TYW1B: variants seen among roughly 807,000 people sequenced by gnomAD.
TYW1B encodes the protein S-adenosyl-L-methionine-dependent tRNA 4-demethylwyosine synthase TYW1B.
A neutral mutation model predicts 86.9 loss-of-function variants in TYW1B; 73 were observed. The ratio of observed to expected loss-of-function variants is 0.84; its 90% CI spans 0.70 to 1.02. The LOEUF (loss-of-function observed/expected upper bound fraction) is 1.02, where lower values mean the gene tolerates loss of function less well. Ranked by LOEUF, TYW1B falls within the 50% of genes least tolerant of loss-of-function variation. The pLI is 0.00. For synonymous variants in TYW1B, 248 were observed against 292.8 expected (o/e 0.85, Z 1.56); for missense variants, 637 against 827.4 (o/e 0.77, Z 2.82).
At chr7:72,659,727 C>T (rs1168252334) in intron 11 of TYW1B, among the ~76,000 whole-genome samples, 11 of 151,940 alleles carry the variant, frequency 7.2e-5, no homozygotes, top group African/African-American at 1.7e-4. Context: ...TGTCAAAAGA[C>T]GAGGGGAAGA....
chr7:72,656,841 C>T (rs1451283101), intron 11 of TYW1B, among the ~76,000 whole-genome samples: 1 of 152,094 alleles, frequency 6.6e-6, no homozygotes, highest in Non-Finnish European at 1.5e-5. Flanking sequence ...CACACTTTTA[C>T]ACAACCAGGT....
intron 10 of TYW1B, among the ~76,000 whole-genome samples, chr7:72,712,247 C>T (rs187686090): frequency 1.6e-3 from 250 of 152,224 alleles, no homozygotes; most frequent in African/African-American, 5.7e-3. Flanking sequence ...CTGGAACCCT[C>T]GGTGTAATTA....
chr7:72,820,497 T>C (rs1788808408), intron 2 of TYW1B, among the ~76,000 whole-genome samples: 1 of 152,216 alleles, frequency 6.6e-6, no homozygotes, highest in South Asian at 2.1e-4. Context: ...TTCTGATATC[T>C]GAAAAAGTTC....
chr7:72,810,759 G>A (rs1274267857), intron 3 of TYW1B, 94 bp from the exon 4 acceptor site: 1 of 1,454,326 alleles, frequency 6.9e-7, no homozygotes, highest in Non-Finnish European at 9.2e-7. Flanking sequence ...TCATCTCAAA[G>A]AACAAAGGGT....
rs35049621 is a variant in TYW1B, at chr7:72,693,454, A to G, written c.1506+1233T>C. Among the ~76,000 whole-genome samples, 1,177 of 142,372 alleles carry G rather than the reference A, an allele frequency of 8.3e-3. 12 individuals are homozygous for G. The highest frequency in any genetic ancestry group is 0.024 in the African/African-American group (922 of 38,098). The allele number at this position is 142,372 out of a possible 152,430, so 93.4% of individuals were successfully genotyped here. A position where few individuals can be genotyped will look rare whatever the true frequency, so the allele number is the denominator to read the frequency against. ...AGATAGGGGTCTCACTGTCACCCACACTGGAGTGCAGTGGCGCAATCTCGG... is the reference window on the plus strand; with the variant it reads ...AGATAGGGGTCTCACTGTCACCCACGCTGGAGTGCAGTGGCGCAATCTCGG... On this transcript the variant is annotated intron_variant, in intron 11 of 13. Transcript: ENST00000620995.
intron 10 of TYW1B, among the ~76,000 whole-genome samples, chr7:72,711,338 C>T (rs1356904297): frequency 6.6e-6 from 1 of 152,110 alleles, no homozygotes; most frequent in Admixed American, 6.6e-5. Flanking sequence ...TAAACTCTCC[C>T]GCCCTGAATC....
At chr7:72,670,686 T>C (rs549873705) in intron 11 of TYW1B, among the ~76,000 whole-genome samples, 1 of 152,214 alleles carries the variant, frequency 6.6e-6, no homozygotes, top group East Asian at 1.9e-4. Flanking sequence ...TCCAGTGAAA[T>C]ATTTTGGCTA....
At chr7:72,799,531 T>C (rs1788368101) in intron 6 of TYW1B, among the ~76,000 whole-genome samples, 1 of 151,342 alleles carries the variant, frequency 6.6e-6, no homozygotes, top group Admixed American at 6.6e-5. Flanking sequence ...AGTGGCGCGA[T>C]CTCGGCTCAC....
chr7:72,756,216 AT>A (rs1333349541), intron 7 of TYW1B, among the ~76,000 whole-genome samples: 5 of 134,330 alleles, frequency 3.7e-5, no homozygotes, highest in African/African-American at 1.3e-4. Flanking sequence ...ATTTTATTTT[AT>A]TTTATTTTAT....
intron 11 of TYW1B, among the ~76,000 whole-genome samples, chr7:72,645,345 A>T (rs1326679534): frequency 6.6e-6 from 1 of 152,210 alleles, no homozygotes; most frequent in Non-Finnish European, 1.5e-5. Flanking sequence ...AAAGCCTTGA[A>T]TGTTCTTATA....
chr7:72,593,508 A>AGC (rs1554431956), intron 13 of TYW1B, among the ~76,000 whole-genome samples: 1 of 151,974 alleles, frequency 6.6e-6, no homozygotes, highest in Non-Finnish European at 1.5e-5. Context: ...ATTCTCCAAG[A>AGC]ACAATGGGAT....
chr7:72,597,528 C>A (rs1811564998), intron 13 of TYW1B, among the ~76,000 whole-genome samples: 2 of 151,940 alleles, frequency 1.3e-5, no homozygotes, highest in Admixed American at 1.3e-4. Flanking sequence ...AATGCTGGTT[C>A]TTTGTAAACA....
At chr7:72,695,537 T>A (rs573948350) in intron 10 of TYW1B, among the ~76,000 whole-genome samples, 69 of 152,190 alleles carry the variant, frequency 4.5e-4, no homozygotes, top group Non-Finnish European at 8.7e-4. Context: ...ACTGCCTCAT[T>A]TCATAATTTC....
At chr7:72,636,507 C>T (rs2129568924) in intron 11 of TYW1B, among the ~76,000 whole-genome samples, 1 of 152,244 alleles carries the variant, frequency 6.6e-6, no homozygotes, top group East Asian at 1.9e-4. Flanking sequence ...GTATGCTTGT[C>T]TTATTCTGCA....
chr7:72,756,443 G>C (rs11979001), intron 7 of TYW1B, among the ~76,000 whole-genome samples: 104,375 of 151,246 alleles, frequency 0.69, 36,975 homozygotes, highest in Non-Finnish European at 0.77. Context: ...CCACATTGGT[G>C]AGGCTGGTCT....
At chr7:72,783,613 T>A (rs2129572136) in intron 6 of TYW1B, among the ~76,000 whole-genome samples, 2 of 152,312 alleles carry the variant, frequency 1.3e-5, no homozygotes, top group Middle Eastern at 3.4e-3. Flanking sequence ...ACCGTTCAGT[T>A]TTAAAATGAC....
At chr7:72,662,424 TATATAGATAG>T (rs1813352879) in intron 11 of TYW1B, among the ~76,000 whole-genome samples, 3 of 46,468 alleles carry the variant, frequency 6.5e-5, no homozygotes, top group East Asian at 5.1e-4. Flanking sequence ...TTAATATATA[TATATAGATAG>T]ATAGATAGAT....
At chr7:72,584,356 TTTTG>T (rs1394605126) in intron 13 of TYW1B, among the ~76,000 whole-genome samples, 52 of 152,292 alleles carry the variant, frequency 3.4e-4, no homozygotes, top group Middle Eastern at 3.4e-3. Context: ...GAGCATTGTT[TTTTG>T]TTTGTTTGTT....
Position 72,574,697 on chromosome 7 carries a change from T to C in TYW1B, c.*801A>G. The C allele has an allele frequency of 6.1e-6, 6 of 985,442 alleles. No homozygotes were observed. The highest frequency in any genetic ancestry group is 7.2e-6 in the Non-Finnish European group (6 of 829,952). The allele number at this position is 985,442 out of a possible 1,614,324, so 61.0% of individuals were successfully genotyped here. On this transcript the variant is annotated 3_prime_UTR_variant, in exon 14 of 14. Transcript: ENST00000620995. ...TCAAAGAAGATGGAGACCCGCCGTC[T>C]GGTCGTGATATGAGAGGCCCGGACA... is the stretch of plus-strand genomic sequence containing the variant.
Sources: allele counts gnomAD v4.1 joint callset (sites outside exome capture counted in the v4.1 genomes callset), GRCh38; gene constraint gnomAD v4.1.1; transcripts MANE v1.5; gene names NCBI Gene and HGNC (gene_info 2026-07-23, HGNC 2026-07-21).